OTUD7A: variants seen among roughly 807,000 people sequenced by gnomAD.
OTUD7A encodes OTU domain-containing protein 7A.
Under a neutral mutation model 65.7 loss-of-function variants are expected in OTUD7A, and 12 were observed. The observed-to-expected ratio is 0.18, with a 90% CI of 0.12 to 0.30. The LOEUF is 0.30. Ranked by LOEUF, OTUD7A falls within the 10% of genes least tolerant of loss-of-function variation. The pLI, the probability that OTUD7A is intolerant of heterozygous loss-of-function variation, is 1.00. For synonymous variants in OTUD7A, 641 were observed against 586.3 expected (o/e 1.09, Z -1.35); for missense variants, 1,148 against 1,304.8 (o/e 0.88, Z 1.85).
chr15:31,550,404 T>G (rs2141145543), intron 5 of OTUD7A, among the ~76,000 whole-genome samples: 1 of 152,326 alleles, frequency 6.6e-6, no homozygotes, highest in East Asian at 1.9e-4. Flanking sequence ...ACCTGCTTTG[T>G]GCAACCTGTA....
chr15:31,862,887 G>C (rs1219912695), intron 1 of OTUD7A, among the ~76,000 whole-genome samples: 1 of 152,200 alleles, frequency 6.6e-6, no homozygotes, highest in African/African-American at 2.4e-5. Flanking sequence ...TCTGAGACAA[G>C]GCAATTCCCT....
At chr15:31,503,391 G>A (rs1049328800) in intron 9 of OTUD7A, among the ~76,000 whole-genome samples, 1 of 152,212 alleles carries the variant, frequency 6.6e-6, no homozygotes, top group Admixed American at 6.5e-5. Flanking sequence ...TGTTGGAGGG[G>A]TGTGGGCTGT....
intron 5 of OTUD7A, among the ~76,000 whole-genome samples, chr15:31,555,709 C>T (rs1362197732): frequency 6.6e-6 from 1 of 152,092 alleles, no homozygotes; most frequent in Non-Finnish European, 1.5e-5. Context: ...TAAGACCTCG[C>T]TTGAGAGCAG....
intron 1 of OTUD7A, among the ~76,000 whole-genome samples, chr15:31,821,303 C>CTTTTT (rs57817074): frequency 8.8e-6 from 1 of 113,200 alleles, no homozygotes; most frequent in African/African-American, 3.8e-5. Flanking sequence ...GCCCAGGTAC[C>CTTTTT]TTTTTTTTTT....
intron 1 of OTUD7A, among the ~76,000 whole-genome samples, chr15:31,797,420 C>T (rs78786298): frequency 0.02 from 3,087 of 152,270 alleles, 102 homozygotes; most frequent in African/African-American, 0.072. Context: ...CTCTCAACGA[C>T]GAGTACCTAT....
chr15:31,537,760 A>G (rs1887852439), intron 5 of OTUD7A, among the ~76,000 whole-genome samples: 1 of 152,230 alleles, frequency 6.6e-6, no homozygotes, highest in Non-Finnish European at 1.5e-5. Context: ...ATTTGACACC[A>G]AAGTGGGCAG....
chr15:31,524,696 T>C (rs1051277714), intron 8 of OTUD7A, among the ~76,000 whole-genome samples: 16 of 152,160 alleles, frequency 1.1e-4, no homozygotes, highest in Non-Finnish European at 2.2e-4. Flanking sequence ...TTCTCTTTTG[T>C]GATGTGGCAG....
intron 1 of OTUD7A, among the ~76,000 whole-genome samples, chr15:31,755,721 C>CAA (rs371440352): frequency 8.0e-6 from 1 of 124,640 alleles, no homozygotes; most frequent in Admixed American, 8.1e-5. Context: ...GACTCTGTCT[C>CAA]AAAAAAAAAA....
rs548809041 is a variant in OTUD7A at position 31,753,986 on chromosome 15, T to C, written c.-99-96909A>G. ...TATTAGTTTACATTCCCACCAGCAG[T>C]GTAGAAGTGTTCCCTGTTCACTGCA... On this transcript the variant is annotated intron_variant, in intron 1 of 12. Coordinates refer to ENST00000307050, the MANE Select transcript of OTUD7A (RefSeq NM_001382637.1). 4.6e-5 allele frequency among the ~76,000 whole-genome samples: 7 copies of C among 152,018 alleles called. No homozygotes were observed. In the South Asian group the frequency reaches 1.2e-3, roughly 27 times the overall value.
intron 3 of OTUD7A, among the ~76,000 whole-genome samples, chr15:31,606,573 C>G (rs1243283805): frequency 6.6e-6 from 1 of 152,162 alleles, no homozygotes; most frequent in Non-Finnish European, 1.5e-5. Flanking sequence ...CAAATATGTA[C>G]TAAGTCAGAC....
chr15:31,582,780 C>G (rs1262559818), intron 3 of OTUD7A, among the ~76,000 whole-genome samples: 1 of 152,094 alleles, frequency 6.6e-6, no homozygotes, highest in Non-Finnish European at 1.5e-5. Context: ...AAAACCATAT[C>G]AATACCACAG....
chr15:31,671,791 G>A lies in OTUD7A; in HGVS notation c.-99-14714C>T, dbSNP rs552902097. Among the ~76,000 whole-genome samples the A allele has an allele frequency of 7.2e-5, 11 of 151,856 alleles. No individual in the cohort carries two copies. In the South Asian group the frequency reaches 1.5e-3, roughly 20 times the overall value. Reference sequence around the variant, plus strand: ...TTTTTCTAACTTTTACTTTAGGCTCGGGGGACATGCACAGGTTTGTGATAT... The same window carrying A: ...TTTTTCTAACTTTTACTTTAGGCTCAGGGGACATGCACAGGTTTGTGATAT... On this transcript the variant is annotated intron_variant, in intron 1 of 12. Coordinates refer to ENST00000307050, the MANE Select transcript of OTUD7A (RefSeq NM_001382637.1).
At position 31,756,627 on chromosome 15, in the gene OTUD7A, AACACACACACACACACACACAC is replaced by A. The variant is rs56792926; in HGVS notation, c.-99-99572_-99-99551del. ...GAATGCATAAAAACCCAGTGTACCCAACACACACACACACACACACACACACACACACACACACACACACACA... is the reference window on the plus strand; with the variant it reads ...GAATGCATAAAAACCCAGTGTACCCAACACACACACACACACACACACACA... On this transcript the variant is annotated intron_variant, in intron 1 of 12. Transcript: ENST00000307050. Among the ~76,000 whole-genome samples, 1,091 of 138,342 alleles carry A rather than the reference AACACACACACACACACACACAC, an allele frequency of 7.9e-3. 16 individuals carry two copies. The highest frequency in any genetic ancestry group is 0.028 in the Middle Eastern group (8 of 282). 90.8% of individuals were successfully genotyped at this position (138,342 alleles called of 152,430 possible).
intron 1 of OTUD7A, among the ~76,000 whole-genome samples, chr15:31,773,481 T>C (rs1308582823): frequency 1.3e-5 from 2 of 152,218 alleles, no homozygotes; most frequent in Non-Finnish European, 2.9e-5. Flanking sequence ...GTCCCCGTTA[T>C]GAGGGCACTA....
At chr15:31,732,017 G>A (rs1374388648) in intron 1 of OTUD7A, among the ~76,000 whole-genome samples, 1 of 152,168 alleles carries the variant, frequency 6.6e-6, no homozygotes, top group Non-Finnish European at 1.5e-5. Context: ...GGAGGAGGGA[G>A]ATACAGGATC....
intron 3 of OTUD7A, among the ~76,000 whole-genome samples, chr15:31,621,414 A>C (rs1033252290): frequency 6.6e-6 from 1 of 152,086 alleles, no homozygotes; most frequent in African/African-American, 2.4e-5. Context: ...GTCTCTTTGT[A>C]GGTCTCTAAG....
At position 31,651,175 on chromosome 15, in the gene OTUD7A, C is replaced by A. The variant is rs926197531; in HGVS notation, c.151+3921G>T. Among the ~76,000 whole-genome samples, 3 of 144,270 alleles carry A rather than the reference C, an allele frequency of 2.1e-5. No individual in the cohort carries two copies. The South Asian group carries it at 6.6e-4, about 32-fold the overall frequency. 94.6% of individuals were successfully genotyped at this position (144,270 alleles called of 152,430 possible). On this transcript the variant is annotated intron_variant, in intron 3 of 12. Transcript: ENST00000307050. ...AACATAGAAACATGGAAAGAAATAGCTGAAAGTCTGGTTTACCACTAGAAG... is the reference window on the plus strand; with the variant it reads ...AACATAGAAACATGGAAAGAAATAGATGAAAGTCTGGTTTACCACTAGAAG...
intron 1 of OTUD7A, among the ~76,000 whole-genome samples, chr15:31,664,460 T>C (rs1457982670): frequency 6.6e-6 from 1 of 152,186 alleles, no homozygotes. Flanking sequence ...CATTTGTATA[T>C]CTTCTTTTGA....
intron 1 of OTUD7A, among the ~76,000 whole-genome samples, chr15:31,713,089 G>A (rs1893489317): frequency 6.6e-6 from 1 of 152,154 alleles, no homozygotes; most frequent in South Asian, 2.1e-4. Flanking sequence ...ATGACATTGT[G>A]GAGTATTTGA....
Sources: allele counts gnomAD v4.1 joint callset (sites outside exome capture counted in the v4.1 genomes callset), GRCh38; gene constraint gnomAD v4.1.1; transcripts MANE v1.5; gene names NCBI Gene and HGNC (gene_info 2026-07-23, HGNC 2026-07-21).